Variants in CCSER1 observed in about 807,000 individuals in gnomAD.
The protein encoded by CCSER1 is coiled-coil serine rich protein 1.
In CCSER1, 41 loss-of-function variants were observed where a neutral mutation model predicts 82.0. The ratio of observed to expected loss-of-function variants is 0.50; its 90% CI spans 0.39 to 0.65. The LOEUF (loss-of-function observed/expected upper bound fraction) is 0.65. Ranked by LOEUF, CCSER1 falls within the 30% of genes least tolerant of loss-of-function variation. The probability of loss-of-function intolerance (pLI) is 0.00; values close to 1 mark genes in which losing one functional copy is unlikely to be tolerated. For missense variants in CCSER1, 1,119 were observed against 1,064.2 expected (o/e 1.05, Z -0.72); for synonymous variants, 414 against 383.9 (o/e 1.08, Z -0.92).
chr4:91,268,584 C>T (rs1741789635), intron 10 of CCSER1, among the ~76,000 whole-genome samples: 1 of 152,098 alleles, frequency 6.6e-6, no homozygotes, highest in Non-Finnish European at 1.5e-5. Flanking sequence ...ACCAAACAGG[C>T]TTTGTGTGAG....
intron 9 of CCSER1, among the ~76,000 whole-genome samples, chr4:91,018,662 C>A (rs1739653557): frequency 6.6e-6 from 1 of 152,018 alleles, no homozygotes; most frequent in African/African-American, 2.4e-5. Flanking sequence ...GTATGCTAAG[C>A]TCTTGCTCTA....
Position 90,651,037 on chromosome 4 carries a change from T to A in CCSER1, c.1932+22805T>A, listed in dbSNP as rs374107742. On this transcript the variant is annotated intron_variant, in intron 6 of 10. Coordinates refer to ENST00000509176, the MANE Select transcript of CCSER1 (RefSeq NM_001145065.2). The stretch of plus-strand genomic sequence containing the variant: ...GTCTTCAATTCTGTTTCTTCATTTG[T>A]AGAATAAAGACTTGAATAATAGTAG... 9.3e-4 allele frequency among the ~76,000 whole-genome samples: 142 copies of A among 152,346 alleles called. 1 individual carries two copies. The highest frequency in any genetic ancestry group is 1.9e-3 in the East Asian group (10 of 5,186).
chr4:91,459,279 T>G (rs1560688061), intron 10 of CCSER1, among the ~76,000 whole-genome samples: 1 of 152,134 alleles, frequency 6.6e-6, no homozygotes. Flanking sequence ...TAGAGCATAA[T>G]TATTATTGAA....
At chr4:91,000,675 A>AT (rs747297683) in intron 9 of CCSER1, among the ~76,000 whole-genome samples, 2 of 151,734 alleles carry the variant, frequency 1.3e-5, no homozygotes, top group South Asian at 2.1e-4. Flanking sequence ...ACTTTATTTT[A>AT]TTTTTTGTAG....
chr4:91,042,886 G>A (rs1220624989), intron 9 of CCSER1, among the ~76,000 whole-genome samples: 4 of 152,058 alleles, frequency 2.6e-5, no homozygotes, highest in Non-Finnish European at 5.9e-5. Flanking sequence ...TCTGCATTCC[G>A]GTATTTTAGG....
intron 8 of CCSER1, among the ~76,000 whole-genome samples, chr4:90,909,702 T>A (rs1726036395): frequency 6.6e-6 from 1 of 152,190 alleles, no homozygotes; most frequent in Admixed American, 6.5e-5. Context: ...ACGAGGCCTT[T>A]CTTAATTAGC....
At chr4:91,207,419 C>T (rs901911301) in intron 10 of CCSER1, among the ~76,000 whole-genome samples, 3 of 151,690 alleles carry the variant, frequency 2.0e-5, no homozygotes, top group Non-Finnish European at 2.9e-5. Context: ...TCTGTTGTTC[C>T]CCTCTTTCTG....
At chr4:90,794,357 G>T (rs930767621) in intron 7 of CCSER1, among the ~76,000 whole-genome samples, 2 of 152,108 alleles carry the variant, frequency 1.3e-5, no homozygotes, top group Non-Finnish European at 2.9e-5. Context: ...TAAGGAAGAG[G>T]TCCAGCTTCA....
chr4:91,194,851 A>T (rs1185121163), intron 10 of CCSER1, among the ~76,000 whole-genome samples: 1 of 152,190 alleles, frequency 6.6e-6, no homozygotes, highest in East Asian at 1.9e-4. Flanking sequence ...ACTTCTATTT[A>T]TGTAATTAAT....
At chr4:90,495,988 T>G (rs1768932573) in intron 5 of CCSER1, among the ~76,000 whole-genome samples, 1 of 152,216 alleles carries the variant, frequency 6.6e-6, no homozygotes, top group Admixed American at 6.5e-5. Flanking sequence ...AAATGACTTT[T>G]GCAAAAATCT....
chr4:90,923,628 G>A, intron 9 of CCSER1, 181 bp downstream of exon 9: 1 of 498,606 alleles, frequency 2.0e-6, no homozygotes. Flanking sequence ...ATGATTACAG[G>A]CACCAACTGG....
intron 6 of CCSER1, among the ~76,000 whole-genome samples, chr4:90,684,213 CA>C (rs1253388542): frequency 2.0e-5 from 3 of 152,046 alleles, no homozygotes; most frequent in African/African-American, 7.2e-5. Flanking sequence ...TAATTTGCTT[CA>C]AAAAATTGTA....
intron 10 of CCSER1, among the ~76,000 whole-genome samples, chr4:91,548,847 A>G (rs1762018794): frequency 6.6e-6 from 1 of 151,942 alleles, no homozygotes; most frequent in African/African-American, 2.4e-5. Flanking sequence ...TCATTTTCTC[A>G]ACAATTATCC....
Position 90,243,585 on chromosome 4 carries a change from G to T in CCSER1, c.-41-64659G>T, listed in dbSNP as rs531434078. Among the ~76,000 whole-genome samples the T allele has an allele frequency of 2.4e-4, 37 of 151,498 alleles. No homozygotes were observed. The South Asian group carries it at 6.9e-3, about 28-fold the overall frequency. On this transcript the variant is annotated intron_variant, in intron 1 of 10. Transcript: ENST00000509176. ...TTATTTTGGGGAGGTGGGGGGTCTT[G>T]CTTTGTTGCCCAGGCTAGTCTTGAA...
chr4:90,704,575 A>G (rs1349532733), intron 6 of CCSER1, among the ~76,000 whole-genome samples: 3 of 152,290 alleles, frequency 2.0e-5, no homozygotes, highest in African/African-American at 4.8e-5. Flanking sequence ...GTGTTTTCCA[A>G]GTTGGTTCCA....
intron 10 of CCSER1, among the ~76,000 whole-genome samples, chr4:91,191,052 A>G (rs1324714398): frequency 6.6e-6 from 1 of 152,224 alleles, no homozygotes; most frequent in Non-Finnish European, 1.5e-5. Context: ...TAATTTGGAT[A>G]GTATGTAATG....
intron 5 of CCSER1, among the ~76,000 whole-genome samples, chr4:90,605,986 T>TA (rs970927001): frequency 6.6e-6 from 1 of 152,152 alleles, no homozygotes; most frequent in Non-Finnish European, 1.5e-5. Flanking sequence ...TGAGAAGTCT[T>TA]AAAAAGAGGT....
At chr4:90,943,394 G>A (rs571154922) in intron 9 of CCSER1, among the ~76,000 whole-genome samples, 20 of 152,218 alleles carry the variant, frequency 1.3e-4, no homozygotes, top group Non-Finnish European at 2.5e-4. Flanking sequence ...TCATCTTACA[G>A]CCTTTCGGTT....
chr4:91,159,134 A>G (rs1194038669), intron 10 of CCSER1, among the ~76,000 whole-genome samples: 1 of 151,802 alleles, frequency 6.6e-6, no homozygotes, highest in African/African-American at 2.4e-5. Flanking sequence ...CATGCCCCTC[A>G]CTATCTTTAA....
Sources: allele counts gnomAD v4.1 joint callset (sites outside exome capture counted in the v4.1 genomes callset), GRCh38; gene constraint gnomAD v4.1.1; transcripts MANE v1.5; gene names NCBI Gene and HGNC (gene_info 2026-07-23, HGNC 2026-07-21).